Variants in GPC6 observed in about 807,000 individuals in gnomAD.
The protein encoded by GPC6 is glypican 6.
In GPC6, 14 loss-of-function variants were observed where a neutral mutation model predicts 55.2. The ratio of observed to expected loss-of-function variants is 0.25; its 90% CI spans 0.17 to 0.40. GPC6 has a LOEUF of 0.40. GPC6 is among the 10% of genes least tolerant of loss of function. GPC6 has a pLI of 1.00. For synonymous variants in GPC6, 278 were observed against 259.6 expected, an observed-to-expected ratio of 1.07 and a Z score of -0.68; for missense variants, 641 against 708.5, an observed-to-expected ratio of 0.90 and a Z score of 1.08.
At chr13:93,876,014 G>A (rs1381880379) in intron 3 of GPC6, among the ~76,000 whole-genome samples, 1 of 152,050 alleles carries the variant, frequency 6.6e-6, no homozygotes, top group Admixed American at 6.6e-5. Context: ...CTGACCAGTA[G>A]TTGGACCCAG....
intron 4 of GPC6, among the ~76,000 whole-genome samples, chr13:94,144,598 A>G (rs1887498729): frequency 6.6e-6 from 1 of 151,776 alleles, no homozygotes; most frequent in African/African-American, 2.4e-5. Context: ...AGAGAGGGAT[A>G]TCTGTGTGCA....
intron 7 of GPC6, among the ~76,000 whole-genome samples, chr13:94,393,533 G>C (rs1473764165): frequency 1.3e-5 from 2 of 152,152 alleles, no homozygotes; most frequent in African/African-American, 2.4e-5. Flanking sequence ...GAGCTCATTT[G>C]TGGCAACAAA....
At chr13:93,494,537 T>A (rs1183706322) in intron 1 of GPC6, among the ~76,000 whole-genome samples, 1 of 152,190 alleles carries the variant, frequency 6.6e-6, no homozygotes, top group Non-Finnish European at 1.5e-5. Flanking sequence ...AAAGTTAATA[T>A]TGTTATGTGG....
chr13:93,797,365 G>A (rs2138931737), intron 2 of GPC6, among the ~76,000 whole-genome samples: 1 of 152,228 alleles, frequency 6.6e-6, no homozygotes, highest in Non-Finnish European at 1.5e-5. Flanking sequence ...AACCAACTGA[G>A]AACAGATATT....
intron 4 of GPC6, among the ~76,000 whole-genome samples, chr13:94,231,772 T>C (rs1890734938): frequency 6.6e-6 from 1 of 152,132 alleles, no homozygotes; most frequent in Non-Finnish European, 1.5e-5. Context: ...GAGGAAATAA[T>C]AGACTTTATT....
At chr13:93,791,604 T>A (rs528327978) in intron 2 of GPC6, among the ~76,000 whole-genome samples, 2 of 152,288 alleles carry the variant, frequency 1.3e-5, no homozygotes, top group South Asian at 4.1e-4. Flanking sequence ...GTTTTTCTTT[T>A]TCTTTTTCTT....
At position 93,523,040 on chromosome 13, in the gene GPC6, TACAC is replaced by T. The variant is rs549435033; in HGVS notation, c.161-22213_161-22210del. Among the ~76,000 whole-genome samples the T allele has an allele frequency of 6.7e-4, 100 of 150,100 alleles. 1 individual carries two copies. Among genetic ancestry groups the T allele is most frequent in the African/African-American group, 2.1e-3 (88 of 41,038 alleles). ...ATATATATATATATATACAAATACA[TACAC>T]ACACACACATATGTGTATACATATA... is the stretch of plus-strand genomic sequence containing the variant. On this transcript the variant is annotated intron_variant, in intron 1 of 8. Coordinates refer to ENST00000377047, the MANE Select transcript of GPC6 (RefSeq NM_005708.5).
intron 3 of GPC6, among the ~76,000 whole-genome samples, chr13:93,895,652 G>A (rs1359471327): frequency 6.6e-6 from 1 of 151,860 alleles, no homozygotes; most frequent in East Asian, 1.9e-4. Flanking sequence ...TCTTGTTTTT[G>A]TTATTTTAAT....
intron 6 of GPC6, among the ~76,000 whole-genome samples, chr13:94,349,639 G>A (rs1878443812): frequency 6.6e-6 from 1 of 152,124 alleles, no homozygotes; most frequent in South Asian, 2.1e-4. Context: ...AAATGGCCCT[G>A]CTCTTTGAAG....
intron 3 of GPC6, among the ~76,000 whole-genome samples, chr13:93,840,265 T>C (rs1435466474): frequency 6.6e-6 from 1 of 152,090 alleles, no homozygotes; most frequent in Non-Finnish European, 1.5e-5. Context: ...CAGGAGATGT[T>C]ACAACTGACA....
intron 1 of GPC6, among the ~76,000 whole-genome samples, chr13:93,369,178 C>T (rs1056045069): frequency 6.6e-6 from 1 of 151,942 alleles, no homozygotes; most frequent in Non-Finnish European, 1.5e-5. Context: ...TATGCTCTAA[C>T]ATTATCAATA....
At chr13:93,377,053 A>G (rs905712899) in intron 1 of GPC6, among the ~76,000 whole-genome samples, 6 of 152,166 alleles carry the variant, frequency 3.9e-5, no homozygotes, top group Non-Finnish European at 7.3e-5. Flanking sequence ...TCTAACTTAG[A>G]TGGTTTCACA....
chr13:93,500,277 A>C (rs190234479), intron 1 of GPC6, among the ~76,000 whole-genome samples: 2 of 152,304 alleles, frequency 1.3e-5, no homozygotes, highest in Non-Finnish European at 2.9e-5. Context: ...TTCCTGTAAT[A>C]ACTTGGTAAG....
At chr13:93,367,581 C>T (rs9516226) in intron 1 of GPC6, among the ~76,000 whole-genome samples, 46,214 of 151,748 alleles carry the variant, frequency 0.3, 7,692 homozygotes, top group East Asian at 0.7. Context: ...CATTTCCTTT[C>T]GGCAGTGTTT....
At chr13:93,671,778 T>G (rs2139628399) in intron 2 of GPC6, among the ~76,000 whole-genome samples, 1 of 152,112 alleles carries the variant, frequency 6.6e-6, no homozygotes, top group Non-Finnish European at 1.5e-5. Flanking sequence ...AGGACTGTGT[T>G]TCATCCTCTT....
intron 1 of GPC6, among the ~76,000 whole-genome samples, chr13:93,496,125 T>A (rs368023817): frequency 1.3e-5 from 2 of 152,146 alleles, no homozygotes; most frequent in Non-Finnish European, 2.9e-5. Context: ...CCCCCAGCCT[T>A]GCTGCCTCCT....
chr13:93,674,812 G>T (rs1776940012), intron 2 of GPC6, among the ~76,000 whole-genome samples: 1 of 148,560 alleles, frequency 6.7e-6, no homozygotes, highest in Admixed American at 6.9e-5. Flanking sequence ...TTAGTTGCTT[G>T]TGGCAAAGTT....
chr13:93,231,741 A>G (rs952743297), intron 1 of GPC6, among the ~76,000 whole-genome samples: 1 of 152,000 alleles, frequency 6.6e-6, no homozygotes, highest in African/African-American at 2.4e-5. Flanking sequence ...CTCATGCTGG[A>G]AAGTTATTCA....
chr13:94,054,853 T>G (rs1884076762), intron 4 of GPC6, among the ~76,000 whole-genome samples: 1 of 152,126 alleles, frequency 6.6e-6, no homozygotes, highest in African/African-American at 2.4e-5. Context: ...AAGTACTTCT[T>G]GTATGCTCTG....
Sources: gnomAD v4.1 joint callset for allele counts (sites outside exome capture counted in the v4.1 genomes callset) on GRCh38, gnomAD v4.1.1 for gene constraint, MANE v1.5 for transcripts, NCBI Gene and HGNC (gene_info 2026-07-23, HGNC 2026-07-21) for gene names.